Variants in CARM1 observed in about 807,000 individuals in gnomAD.
CARM1 encodes the protein histone-arginine methyltransferase CARM1.
CARM1 carries 14 observed loss-of-function variants against 72.7 expected under a neutral mutation model. That is an observed-to-expected ratio of 0.19 (90% CI 0.13 to 0.30). The LOEUF is 0.30. CARM1 is among the 10% of genes least tolerant of loss of function. The pLI is 1.00. For synonymous variants in CARM1, 333 were observed against 345.5 expected (o/e 0.96, Z 0.40); for missense variants, 432 against 833.7 (o/e 0.52, Z 5.93).
At chr19:10,886,521 T>A (rs1599688466) in intron 1 of CARM1, among the ~76,000 whole-genome samples, 2 of 149,872 alleles carry the variant, frequency 1.3e-5, no homozygotes, top group East Asian at 4.0e-4. Context: ...ATCTTTTATC[T>A]TTTTTTTTCT....
At chr19:10,921,539 T>C in intron 15 of CARM1, 76 bp from the exon 16 acceptor site, 1 of 1,568,962 alleles carries the variant, frequency 6.4e-7, no homozygotes, top group Non-Finnish European at 8.7e-7. Context: ...TTGCCTGCCC[T>C]TTCTCTCTCT....
In CARM1 at chr19:10,895,989, C is replaced by T. The variant is rs547926755; in HGVS notation, c.221-8962C>T. 5.9e-5 allele frequency among the ~76,000 whole-genome samples: 9 copies of T among 152,166 alleles called. No individual in the cohort carries two copies. In the South Asian group the frequency reaches 1.5e-3, roughly 25 times the overall value. On this transcript the variant is annotated intron_variant, in intron 1 of 15. Coordinates refer to ENST00000327064, the MANE Select transcript of CARM1 (RefSeq NM_199141.2). ...ACCGGGAGAGAGTGTTGAAGGCCAG[C>T]GAGGTTTGGCTGGAGTGACCCAGGG...
chr19:10,921,519 G>A (rs548788899), intron 15 of CARM1, 76 bp downstream of exon 15: 377 of 1,566,994 alleles, frequency 2.4e-4, no homozygotes, highest in Non-Finnish European at 2.9e-4. Context: ...CCGGCCGCCC[G>A]CCTGCCCTCT....
chr19:10,921,975 C>T lies in CARM1; in HGVS notation c.*218C>T. ...GAGCGTGTGTCGCTGCCATATTTTA[C>T]ACAAAATCATGTTGTGGGAGCCCTC... On this transcript the variant is annotated 3_prime_UTR_variant, in exon 16 of 16. Transcript: ENST00000327064. 1 of 503,200 alleles carries T rather than the reference C, an allele frequency of 2.0e-6. No homozygotes were observed. Among genetic ancestry groups the T allele is most frequent in the Admixed American group, 3.7e-5 (1 of 26,754 alleles). 31.2% of individuals were successfully genotyped at this position (503,200 alleles called of 1,614,324 possible). A position where few individuals can be genotyped will look rare whatever the true frequency, so the allele number is the denominator to read the frequency against.
intron 5 of CARM1, among the ~76,000 whole-genome samples, chr19:10,913,543 G>GA (rs968913218): frequency 2.3e-4 from 33 of 145,830 alleles, no homozygotes; most frequent in Admixed American, 1.2e-3. Flanking sequence ...CTGTCTCAAA[G>GA]AAAAAAAAAA....
At chr19:10,890,820 T>TC (rs2073982513) in intron 1 of CARM1, among the ~76,000 whole-genome samples, 1 of 137,500 alleles carries the variant, frequency 7.3e-6, no homozygotes, top group Non-Finnish European at 1.6e-5. Flanking sequence ...TTTTTTTTTT[T>TC]CTTGGTATAG....
intron 1 of CARM1, among the ~76,000 whole-genome samples, chr19:10,886,650 A>G (rs1478997997): frequency 6.6e-6 from 1 of 151,750 alleles, no homozygotes; most frequent in African/African-American, 2.4e-5. Flanking sequence ...AGATGGTGAA[A>G]CCCCATCCCT....
At chr19:10,879,803 G>A (rs894538849) in intron 1 of CARM1, among the ~76,000 whole-genome samples, 10 of 152,072 alleles carry the variant, frequency 6.6e-5, no homozygotes, top group African/African-American at 2.4e-4. Flanking sequence ...TAGTAGATAC[G>A]GGGGTCTCAC....
At chr19:10,883,584 G>A (rs1022264712) in intron 1 of CARM1, among the ~76,000 whole-genome samples, 1 of 152,210 alleles carries the variant, frequency 6.6e-6, no homozygotes, top group Non-Finnish European at 1.5e-5. Flanking sequence ...ACAGGGTCTT[G>A]CTGTGTTCCT....
Position 10,904,940 on chromosome 19 carries a change from TTC to T in CARM1, c.221-6_221-5del, listed in dbSNP as rs750006459. On this transcript the variant is annotated splice_polypyrimidine_tract_variant and intron_variant, in intron 1 of 15. Transcript: ENST00000327064. ...GCTGCACCGCTCACGCCAGCCTGTC[TTC>T]TCTCGTAGATGAAGATGTGTGTGTC... 1 of 1,613,906 alleles carries T rather than the reference TTC, an allele frequency of 6.2e-7. No individual in the cohort carries two copies.
At position 10,909,125 on chromosome 19, in the gene CARM1, AGCAGAACATGAT is replaced by A; in HGVS notation, c.481_492del (p.Asn161_Gln164del). On this transcript the variant is annotated inframe_deletion, in exon 4 of 16. Coordinates refer to ENST00000327064, the MANE Select transcript of CARM1 (RefSeq NM_199141.2). ...CAGTTTTATGGCTACCTGTCCCAGC[AGCAGAACATGAT>A]GCAGGACTACGTGCGGACAGGCACC... 6.2e-7 allele frequency: 1 copy of A among 1,613,668 alleles called. No homozygotes were observed. The highest frequency in any genetic ancestry group is 8.5e-7 in the Non-Finnish European group (1 of 1,179,746).
chr19:10,882,058 G>A (rs939972809), intron 1 of CARM1, among the ~76,000 whole-genome samples: 13 of 152,150 alleles, frequency 8.5e-5, no homozygotes, highest in African/African-American at 3.1e-4. Context: ...GGGCCAGCTG[G>A]CAAGTCCTGA....
At chr19:10,891,291 G>C (rs1052495064) in intron 1 of CARM1, among the ~76,000 whole-genome samples, 2 of 152,040 alleles carry the variant, frequency 1.3e-5, no homozygotes, top group Non-Finnish European at 2.9e-5. Flanking sequence ...TATTTTTCTA[G>C]ACACTAAAGC....
chr19:10,916,600 G>C lies in CARM1; in HGVS notation c.939-96G>C. 1 of 1,386,798 alleles carries C rather than the reference G, an allele frequency of 7.2e-7. No homozygotes were observed. The highest frequency in any genetic ancestry group is 1.0e-6 in the Non-Finnish European group (1 of 993,478). The allele number at this position is 1,386,798 out of a possible 1,614,324, so 85.9% of individuals were successfully genotyped here. On this transcript the variant is annotated intron_variant, in intron 7 of 15. Transcript: ENST00000327064. The surrounding 1 kb of genome is among the most constrained non-coding windows in gnomAD (Gnocchi z 4.4). ...GCACTCCTCTTTTTCTGAAAGACTT[G>C]GGCTAGATGAGGGCTGACTGGGAGA...
At chr19:10,874,670 G>A (rs1452985500) in intron 1 of CARM1, among the ~76,000 whole-genome samples, 1 of 152,140 alleles carries the variant, frequency 6.6e-6, no homozygotes, top group African/African-American at 2.4e-5. Flanking sequence ...GGAATTACAG[G>A]CATGAGCCAC....
Position 10,871,643 on chromosome 19 carries a change from G to GGCAGCA in CARM1, c.-58_-57insAGCAGC, listed in dbSNP as rs1555723488. On this transcript the variant is annotated 5_prime_UTR_variant, in exon 1 of 16. Coordinates refer to ENST00000327064, the MANE Select transcript of CARM1 (RefSeq NM_199141.2). This position sits in a 1 kb window ranked among gnomAD's most constrained non-coding sequence, Gnocchi z 5.6. ...CGGCGGCGGCGGCGGCGGCGGCAGC[G>GGCAGCA]GCGGCGGCCTGGGCCCGGGCGCAGC... 1 of 142,124 alleles carries GGCAGCA rather than the reference G, an allele frequency of 7.0e-6. No homozygotes were observed. The highest frequency in any genetic ancestry group is 1.1e-5 in the Non-Finnish European group (1 of 90,120). 8.8% of individuals were successfully genotyped at this position (142,124 alleles called of 1,614,324 possible). A position where few individuals can be genotyped will look rare whatever the true frequency, so the allele number is the denominator to read the frequency against.
Position 10,921,052 on chromosome 19 carries a change from A to T in CARM1, c.1540A>T (p.Met514Leu). 1 of 1,614,092 alleles carries T rather than the reference A, an allele frequency of 6.2e-7. No individual in the cohort carries two copies. Among genetic ancestry groups the T allele is most frequent in the Non-Finnish European group, 8.5e-7 (1 of 1,179,944 alleles). Residue 514 changes from methionine (M) to leucine (L), a missense_variant and splice_region_variant, in exon 14 of 16, where the codon ATG (methionine) becomes TTG (leucine). By Grantham distance (15) the Met-to-Leu change is conservative (BLOSUM62 2). This residue lies in a region of CARM1 where 142 missense variants were observed against 188.7 expected (regional missense o/e 0.75). Transcript: ENST00000327064. Reference sequence around the variant, plus strand: ...GACGTCTCCCTCTCTGGACACAGGGATGCCGACCGCCTATGACTTGAGCAG... The same window carrying T: ...GACGTCTCCCTCTCTGGACACAGGGTTGCCGACCGCCTATGACTTGAGCAG... ...NLSSGMAVAG[M>L]PTAYDLSSVI...
chr19:10,872,721 C>A (rs2073829081), intron 1 of CARM1, among the ~76,000 whole-genome samples: 1 of 152,010 alleles, frequency 6.6e-6, no homozygotes, highest in Admixed American at 6.6e-5. Flanking sequence ...TTTGCCAGCA[C>A]CCCCCACCCC....
In CARM1 at chr19:10,896,854, G is replaced by A. The variant is rs189368714; in HGVS notation, c.221-8097G>A. ...GGATGGGGAGTGTGTCTCCATTGCC[G>A]AGTGCCTAGTGAGCAGATAGGGAAG... On this transcript the variant is annotated intron_variant, in intron 1 of 15. Transcript: ENST00000327064. The surrounding 1 kb of genome is among the most constrained non-coding windows in gnomAD (Gnocchi z 5.2). Among the ~76,000 whole-genome samples, 7 of 152,294 alleles carry A rather than the reference G, an allele frequency of 4.6e-5. No individual in the cohort carries two copies. The East Asian group carries it at 1.3e-3, about 29-fold the overall frequency.
Sources: allele counts gnomAD v4.1 joint callset (sites outside exome capture counted in the v4.1 genomes callset), GRCh38; gene constraint gnomAD v4.1.1; regional missense constraint gnomAD v4.1.1; non-coding constraint Gnocchi (gnomAD v3.1); transcripts MANE v1.5; gene names NCBI Gene and HGNC (gene_info 2026-07-23, HGNC 2026-07-21).